Variants in NT5C3B observed in about 807,000 individuals in gnomAD.
The protein encoded by NT5C3B is 5'-nucleotidase, cytosolic IIIB, also known as 7-methylguanosine phosphate-specific 5'-nucleotidase.
A neutral mutation model predicts 32.5 loss-of-function variants in NT5C3B; 28 were observed. That is an observed-to-expected ratio of 0.86 (90% CI 0.64 to 1.18). The LOEUF (loss-of-function observed/expected upper bound fraction) is 1.18, where lower values mean the gene tolerates loss of function less well. Ranked by LOEUF, NT5C3B falls within the 50% of genes most tolerant of loss-of-function variation. The pLI is 0.00. For synonymous variants in NT5C3B, 138 were observed against 118.0 expected, an observed-to-expected ratio of 1.17 and a Z score of -1.10; for missense variants, 317 against 322.0, an observed-to-expected ratio of 0.98 and a Z score of 0.12.
chr17:41,829,032 T>C, intron 6 of NT5C3B, 80 bp from the exon 7 acceptor site: 2 of 1,325,336 alleles, frequency 1.5e-6, no homozygotes, highest in Admixed American at 1.9e-5. Context: ...GTTTTTTGGG[T>C]TTTTTGTGAG....
rs1054747418 is a variant in NT5C3B, at chr17:41,836,230, G to C, written c.-37C>G. 3.4e-6 allele frequency: 4 copies of C among 1,173,884 alleles called. No homozygotes were observed. The highest frequency in any genetic ancestry group is 4.2e-6 in the Non-Finnish European group (4 of 955,236). 72.7% of individuals were successfully genotyped at this position (1,173,884 alleles called of 1,614,324 possible). ...CCTGGTCGGCGGCTCGCGGGACAAC[G>C]ACAGCCCCGCGACCGCACTGCGCAG... On this transcript the variant is annotated 5_prime_UTR_variant, in exon 1 of 9. Transcript: ENST00000435506.
chr17:41,826,486 A>G (rs1331522607), intron 8 of NT5C3B, among the ~76,000 whole-genome samples: 1 of 151,626 alleles, frequency 6.6e-6, no homozygotes, highest in Non-Finnish European at 1.5e-5. Flanking sequence ...GCCTCCCAAA[A>G]TAGGGGGGTT....
At chr17:41,827,382 G>A in intron 8 of NT5C3B, 44 bp downstream of exon 8, 1 of 834,166 alleles carries the variant, frequency 1.2e-6, no homozygotes, top group East Asian at 2.4e-5. Context: ...GGCATTCAAA[G>A]AGAAGAAAGA....
At chr17:41,830,740 T>C (rs1254913396) in intron 6 of NT5C3B, 61 bp downstream of exon 6, 2 of 1,301,894 alleles carry the variant, frequency 1.5e-6, no homozygotes, top group African/African-American at 2.9e-5. Flanking sequence ...CCCGCCTCCT[T>C]TTTTTGAACA....
At chr17:41,827,013 A>G (rs1250962487) in intron 8 of NT5C3B, among the ~76,000 whole-genome samples, 1 of 151,706 alleles carries the variant, frequency 6.6e-6, no homozygotes, top group East Asian at 1.9e-4. Context: ...AAAAAAAAAA[A>G]AAAGAAAAAA....
At chr17:41,826,171 A>AC (rs2047958752) in intron 8 of NT5C3B, among the ~76,000 whole-genome samples, 4 of 149,320 alleles carry the variant, frequency 2.7e-5, no homozygotes, top group African/African-American at 5.0e-5. Context: ...AAAAAAAAAA[A>AC]AAAAAAAAAC....
chr17:41,833,373 G>A (rs2048084346), intron 4 of NT5C3B, among the ~76,000 whole-genome samples: 1 of 151,822 alleles, frequency 6.6e-6, no homozygotes, highest in South Asian at 2.1e-4. Flanking sequence ...CTGGAGTGCA[G>A]TGGCGCAATC....
At chr17:41,830,751 A>G in intron 6 of NT5C3B, 50 bp downstream of exon 6, 2 of 1,372,526 alleles carry the variant, frequency 1.5e-6, no homozygotes, top group Admixed American at 3.4e-5. Flanking sequence ...TTTTTGAACA[A>G]AACATTCTAA....
intron 8 of NT5C3B, 123 bp downstream of exon 8, chr17:41,827,303 A>T (rs187165156): frequency 1.1e-4 from 51 of 446,520 alleles, no homozygotes; most frequent in Admixed American, 3.2e-4. Context: ...CGTCTCAAAA[A>T]AAAATAAAAT....
At chr17:41,831,950 G>A (rs1182225264) in intron 5 of NT5C3B, among the ~76,000 whole-genome samples, 4 of 152,178 alleles carry the variant, frequency 2.6e-5, no homozygotes, top group Non-Finnish European at 5.9e-5. Flanking sequence ...CAGCTACTTG[G>A]GAAGCTGAGG....
At chr17:41,832,555 G>GA (rs1555619211) in intron 4 of NT5C3B, 78 bp from the exon 5 acceptor site, 2 of 1,331,240 alleles carry the variant, frequency 1.5e-6, no homozygotes, top group African/African-American at 1.5e-5. Flanking sequence ...CTTAGTATGA[G>GA]AAAAAAGTCA....
At chr17:41,834,109 A>C (rs889481872) in intron 4 of NT5C3B, among the ~76,000 whole-genome samples, 1 of 152,162 alleles carries the variant, frequency 6.6e-6, no homozygotes, top group Non-Finnish European at 1.5e-5. Context: ...TTTCTCTAAA[A>C]ATCAGGCTGG....
intron 4 of NT5C3B, among the ~76,000 whole-genome samples, chr17:41,834,041 GA>G (rs2048097335): frequency 6.6e-6 from 1 of 152,172 alleles, no homozygotes; most frequent in Non-Finnish European, 1.5e-5. Context: ...AACAAAGGCA[GA>G]AAACTTCTGA....
intron 5 of NT5C3B, among the ~76,000 whole-genome samples, chr17:41,831,708 T>C (rs1324886845): frequency 1.3e-5 from 2 of 152,226 alleles, no homozygotes; most frequent in Non-Finnish European, 2.9e-5. Context: ...TCCTTTGATA[T>C]TGGACTTCCC....
In NT5C3B at chr17:41,835,918, G is replaced by A; in HGVS notation, c.52C>T (p.Pro18Ser). 6.2e-7 allele frequency: 1 copy of A among 1,605,850 alleles called. No individual in the cohort carries two copies. The highest frequency in any genetic ancestry group is 1.1e-5 in the South Asian group (1 of 89,724). Residue 18 changes from proline (P) to serine (S), a missense_variant, in exon 2 of 9, where the codon CCT (proline) becomes TCT (serine). Transcript: ENST00000435506. ...LMKATVLMRQ[P>S]GRVQEIVGAL... is the part of the protein sequence containing the mutation. Reference sequence around the variant, plus strand: ...CCCACGATCTCCTGCACCCGCCCAGGCTGCCGCATCAGGACCGTGGCCTTC... The same window carrying A: ...CCCACGATCTCCTGCACCCGCCCAGACTGCCGCATCAGGACCGTGGCCTTC...
At chr17:41,833,623 T>C (rs924083385) in intron 4 of NT5C3B, among the ~76,000 whole-genome samples, 2 of 152,164 alleles carry the variant, frequency 1.3e-5, no homozygotes, top group African/African-American at 4.8e-5. Flanking sequence ...CCGGCCTGTT[T>C]CTTTATAAGT....
intron 4 of NT5C3B, among the ~76,000 whole-genome samples, chr17:41,832,879 AAAG>A (rs1555619238): frequency 6.6e-6 from 1 of 152,204 alleles, no homozygotes; most frequent in Admixed American, 6.5e-5. Flanking sequence ...TCTCAAATAA[AAAG>A]AAGATGCAAC....
chr17:41,826,456 C>G (rs1212224227), intron 8 of NT5C3B, among the ~76,000 whole-genome samples: 2 of 152,048 alleles, frequency 1.3e-5, no homozygotes, highest in Non-Finnish European at 2.9e-5. Flanking sequence ...CTCCTGGCCT[C>G]AAGTGATCCC....
At chr17:41,832,266 G>C (rs1283673367) in intron 5 of NT5C3B, 126 bp downstream of exon 5, 34 of 724,306 alleles carry the variant, frequency 4.7e-5, no homozygotes, top group Middle Eastern at 4.2e-4. Context: ...TGGACTAATA[G>C]TATTAAATTA....
Sources: allele counts gnomAD v4.1 joint callset (sites outside exome capture counted in the v4.1 genomes callset), GRCh38; gene constraint gnomAD v4.1.1; transcripts MANE v1.5; gene names NCBI Gene and HGNC (gene_info 2026-07-23, HGNC 2026-07-21).